SNTG2: variants seen among roughly 807,000 people sequenced by gnomAD.
SNTG2 encodes gamma-2-syntrophin.
In SNTG2, 74 loss-of-function variants were observed where a neutral mutation model predicts 70.9. The observed-to-expected ratio is 1.04, with a 90% CI of 0.86 to 1.27. SNTG2 has a LOEUF of 1.27. SNTG2 is among the 50% of genes most tolerant of loss of function. The probability of loss-of-function intolerance (pLI) is 0.00; values close to 1 mark genes in which losing one functional copy is unlikely to be tolerated. For missense variants in SNTG2, 717 were observed against 690.7 expected, an observed-to-expected ratio of 1.04 and a Z score of -0.43; for synonymous variants, 278 against 273.8, an observed-to-expected ratio of 1.02 and a Z score of -0.15.
chr2:1,302,390 G>A (rs893695450), intron 14 of SNTG2, among the ~76,000 whole-genome samples: 2 of 151,970 alleles, frequency 1.3e-5, no homozygotes, highest in East Asian at 1.9e-4. Context: ...AAGGTGAAGG[G>A]GAGTGAGGTT....
At chr2:1,246,427 C>T (rs927339076) in intron 11 of SNTG2, among the ~76,000 whole-genome samples, 3 of 152,200 alleles carry the variant, frequency 2.0e-5, no homozygotes, top group African/African-American at 7.2e-5. Context: ...CGGGACTTAC[C>T]TGGGCGGCTC....
In SNTG2 at chr2:1,322,821, G is replaced by A. The variant is rs184359840; in HGVS notation, c.1488+6446G>A. ...CTTTGCACGTGGGAACCTGGGAAGGGCCCCTGCCACTGAACGTCACTGAGC... is the reference window on the plus strand; with the variant it reads ...CTTTGCACGTGGGAACCTGGGAAGGACCCCTGCCACTGAACGTCACTGAGC... On this transcript the variant is annotated intron_variant, in intron 16 of 16. Coordinates refer to ENST00000308624, the MANE Select transcript of SNTG2 (RefSeq NM_018968.4). Among the ~76,000 whole-genome samples, 933 of 151,628 alleles carry A rather than the reference G, an allele frequency of 6.2e-3. 8 individuals carry two copies. The highest frequency in any genetic ancestry group is 0.021 in the Middle Eastern group (6 of 288).
At chr2:1,058,685 C>G (rs973049564) in intron 1 of SNTG2, among the ~76,000 whole-genome samples, 4 of 152,168 alleles carry the variant, frequency 2.6e-5, no homozygotes, top group African/African-American at 7.2e-5. Flanking sequence ...TAGCATCATC[C>G]TTGGCTAGAG....
chr2:1,070,298 A>G (rs1321572602), intron 1 of SNTG2, among the ~76,000 whole-genome samples: 1 of 152,054 alleles, frequency 6.6e-6, no homozygotes, highest in Non-Finnish European at 1.5e-5. Context: ...ATGACATTGC[A>G]GCTCTTCAGC....
chr2:1,229,918 C>T (rs985584110), intron 9 of SNTG2, among the ~76,000 whole-genome samples: 9 of 152,212 alleles, frequency 5.9e-5, no homozygotes, highest in East Asian at 1.9e-4. Context: ...TACGCCCACC[C>T]GGAACTCCAG....
chr2:1,154,267 CA>C (rs1336246429), intron 6 of SNTG2, among the ~76,000 whole-genome samples: 1 of 151,994 alleles, frequency 6.6e-6, no homozygotes, highest in African/African-American at 2.4e-5. Context: ...CCATCACATG[CA>C]GCTGAGGCGC....
At chr2:1,320,534 C>CAAAAAAAAAAAAAAAAA (rs35391780) in intron 16 of SNTG2, among the ~76,000 whole-genome samples, 9 of 89,386 alleles carry the variant, frequency 1.0e-4, no homozygotes, top group African/African-American at 1.2e-4. Flanking sequence ...GACTCCTTCT[C>CAAAAAAAAAAAAAAAAA]AAAAAAAAAA....
At chr2:1,149,672 G>GTTTTTTTT (rs1221169268) in intron 6 of SNTG2, among the ~76,000 whole-genome samples, 4 of 146,536 alleles carry the variant, frequency 2.7e-5, no homozygotes, top group African/African-American at 1.0e-4. Context: ...GTTGATTAGC[G>GTTTTTTTT]TTTTTTTTTT....
intron 16 of SNTG2, among the ~76,000 whole-genome samples, chr2:1,334,292 C>G (rs926470449): frequency 6.6e-6 from 1 of 152,068 alleles, no homozygotes; most frequent in African/African-American, 2.4e-5. Context: ...AGTTAAAAAA[C>G]AATAGATGTC....
chr2:1,326,729 T>C (rs1303196090), intron 16 of SNTG2, among the ~76,000 whole-genome samples: 6 of 152,216 alleles, frequency 3.9e-5, no homozygotes, highest in Admixed American at 2.0e-4. Flanking sequence ...TTATTAATGC[T>C]GAAGCAAATT....
At chr2:992,056 G>T (rs992578714) in intron 1 of SNTG2, among the ~76,000 whole-genome samples, 19 of 152,130 alleles carry the variant, frequency 1.2e-4, no homozygotes, top group African/African-American at 4.6e-4. Context: ...CCGTGACCCA[G>T]CATGCACCTG....
intron 8 of SNTG2, among the ~76,000 whole-genome samples, chr2:1,189,627 T>G (rs1368788386): frequency 4.6e-5 from 7 of 151,942 alleles, no homozygotes; most frequent in Non-Finnish European, 2.9e-5. Context: ...GGCACAATCT[T>G]GACTCACTGC....
intron 12 of SNTG2, among the ~76,000 whole-genome samples, chr2:1,254,549 T>C (rs939524654): frequency 6.6e-6 from 1 of 152,262 alleles, no homozygotes; most frequent in African/African-American, 2.4e-5. Flanking sequence ...CATAGGTATA[T>C]TCTATCATTA....
intron 16 of SNTG2, among the ~76,000 whole-genome samples, chr2:1,361,001 T>C (rs1661111637): frequency 6.6e-6 from 1 of 152,220 alleles, no homozygotes. Context: ...TCCCCAGCGC[T>C]GTCTCTTCCA....
intron 8 of SNTG2, among the ~76,000 whole-genome samples, chr2:1,182,117 C>A (rs1311394223): frequency 6.6e-6 from 1 of 152,076 alleles, no homozygotes; most frequent in Admixed American, 6.6e-5. Context: ...TGCAAAAATG[C>A]TTTTCCTCGC....
chr2:1,045,042 T>C (rs1572288233), intron 1 of SNTG2, among the ~76,000 whole-genome samples: 1 of 152,026 alleles, frequency 6.6e-6, no homozygotes, highest in Non-Finnish European at 1.5e-5. Context: ...TTTTTTTTGT[T>C]AATTATTAAT....
chr2:957,779 G>A (rs1660216899), intron 1 of SNTG2, among the ~76,000 whole-genome samples: 1 of 152,154 alleles, frequency 6.6e-6, no homozygotes, highest in Admixed American at 6.5e-5. Context: ...GCAGCCACCA[G>A]AGCTAGAGGA....
chr2:1,011,323 A>G (rs187835649), intron 1 of SNTG2, among the ~76,000 whole-genome samples: 18 of 152,370 alleles, frequency 1.2e-4, no homozygotes, highest in Admixed American at 1.2e-3. Flanking sequence ...TGGTGAAAGA[A>G]TAGAACAATT....
chr2:1,149,429 G>T (rs1452158074), intron 6 of SNTG2, among the ~76,000 whole-genome samples: 1 of 152,112 alleles, frequency 6.6e-6, no homozygotes, highest in Non-Finnish European at 1.5e-5. Flanking sequence ...GAGAAAGGAA[G>T]CAACAGCATC....
Sources: allele counts gnomAD v4.1 joint callset (sites outside exome capture counted in the v4.1 genomes callset), GRCh38; gene constraint gnomAD v4.1.1; transcripts MANE v1.5; gene names NCBI Gene and HGNC (gene_info 2026-07-23, HGNC 2026-07-21).